PPP6R3: variants seen among roughly 807,000 people sequenced by gnomAD.
PPP6R3 encodes protein phosphatase 6 regulatory subunit 3.
In PPP6R3, 38 loss-of-function variants were observed where a neutral mutation model predicts 110.7. The ratio of observed to expected loss-of-function variants is 0.34; its 90% CI spans 0.26 to 0.45. PPP6R3 has a LOEUF of 0.45. Ranked by LOEUF, PPP6R3 falls within the 20% of genes least tolerant of loss-of-function variation. The probability of loss-of-function intolerance (pLI) is 1.00; values close to 1 mark genes in which losing one functional copy is unlikely to be tolerated. For synonymous variants in PPP6R3, 369 were observed against 373.5 expected, an observed-to-expected ratio of 0.99 and a Z score of 0.14; for missense variants, 870 against 1,062.4, an observed-to-expected ratio of 0.82 and a Z score of 2.52.
In PPP6R3 at chr11:68,600,400, G is replaced by T. The variant is rs746395959; in HGVS notation, c.2098G>T (p.Asp700Tyr). Reference protein sequence around the residue: ...PMETTHGAPLDSVGSDVWSTE... With the variant: ...PMETTHGAPLYSVGSDVWSTE... ...GGAAACAACCCACGGTGCTCCATTG[G>T]ATTCTGTGGGATCTGATGTCTGGAG... Residue 700 changes from aspartate to tyrosine, a missense_variant, in exon 20 of 24, where the codon GAT becomes TAT. Asp to Tyr is a radical substitution (Grantham distance 160). Coordinates refer to ENST00000393800, the MANE Select transcript of PPP6R3 (RefSeq NM_001164161.2). 7 of 1,613,984 alleles carry T rather than the reference G, an allele frequency of 4.3e-6. No individual in the cohort carries two copies. Among genetic ancestry groups the T allele is most frequent in the African/African-American group, 1.3e-5 (1 of 74,888 alleles).
intron 1 of PPP6R3, among the ~76,000 whole-genome samples, chr11:68,495,903 G>A (rs922689824): frequency 5.3e-5 from 8 of 152,294 alleles, no homozygotes; most frequent in African/African-American, 1.9e-4. Context: ...TTGAGAAACT[G>A]TGAGACTATT....
intron 15 of PPP6R3, chr11:68,587,526 G>C (rs2099582607): frequency 4.6e-6 from 1 of 216,062 alleles, no homozygotes; most frequent in African/African-American, 2.3e-5. Context: ...AAGGAGGGAG[G>C]GGGTGGTCAC....
intron 12 of PPP6R3, among the ~76,000 whole-genome samples, chr11:68,573,043 T>G (rs2099513821): frequency 6.9e-6 from 1 of 145,410 alleles, no homozygotes; most frequent in African/African-American, 2.5e-5. Flanking sequence ...AAATCTTTCG[T>G]TTGATAGAGC....
At chr11:68,582,714 GTCTT>G (rs1024012717) in intron 14 of PPP6R3, among the ~76,000 whole-genome samples, 2 of 152,232 alleles carry the variant, frequency 1.3e-5, no homozygotes, top group African/African-American at 4.8e-5. Flanking sequence ...CATTACCTCT[GTCTT>G]TCTTTTTGTA....
chr11:68,580,619 T>C (rs2099549774), intron 14 of PPP6R3, among the ~76,000 whole-genome samples: 1 of 152,022 alleles, frequency 6.6e-6, no homozygotes, highest in Admixed American at 6.6e-5. Flanking sequence ...AAGGTGGCAG[T>C]GACTGAGCTG....
At chr11:68,595,265 G>T (rs1437210459) in intron 18 of PPP6R3, among the ~76,000 whole-genome samples, 1 of 135,044 alleles carries the variant, frequency 7.4e-6, no homozygotes, top group Non-Finnish European at 1.5e-5. Context: ...GTCCAGGCTG[G>T]AGTGCAGTGG....
intron 5 of PPP6R3, 180 bp from the exon 6 acceptor site, chr11:68,550,941 A>G: frequency 1.8e-6 from 1 of 545,324 alleles, no homozygotes; most frequent in Non-Finnish European, 3.2e-6. Context: ...CATTGTTAAA[A>G]CAATATATTC....
At position 68,547,491 on chromosome 11, in the gene PPP6R3, C is replaced by T. The variant is rs181538744; in HGVS notation, c.415-576C>T. Among the ~76,000 whole-genome samples the T allele has an allele frequency of 1.4e-3, 214 of 152,306 alleles. 1 individual carries two copies. Among genetic ancestry groups the T allele is most frequent in the African/African-American group, 4.8e-3 (200 of 41,568 alleles). On this transcript the variant is annotated intron_variant, in intron 4 of 23. Coordinates refer to ENST00000393800, the MANE Select transcript of PPP6R3 (RefSeq NM_001164161.2). ...TTCCGTGGCCATTCTCACGTTCCTTCAGGGTAGCTCTCTGCCTCTCCACCA... is the reference window on the plus strand; with the variant it reads ...TTCCGTGGCCATTCTCACGTTCCTTTAGGGTAGCTCTCTGCCTCTCCACCA...
At chr11:68,569,362 A>G (rs2099493450) in intron 10 of PPP6R3, among the ~76,000 whole-genome samples, 1 of 152,172 alleles carries the variant, frequency 6.6e-6, no homozygotes, top group Non-Finnish European at 1.5e-5. Context: ...TATATATACT[A>G]TGTGTTTTTC....
intron 16 of PPP6R3, 94 bp from the exon 17 acceptor site, chr11:68,590,566 G>T: frequency 7.6e-7 from 1 of 1,315,196 alleles, no homozygotes; most frequent in Non-Finnish European, 1.0e-6. Context: ...TGATGATAGT[G>T]TAAATATCTT....
intron 16 of PPP6R3, among the ~76,000 whole-genome samples, chr11:68,589,187 C>T (rs553832540): frequency 6.6e-6 from 1 of 151,958 alleles, no homozygotes; most frequent in Non-Finnish European, 1.5e-5. Flanking sequence ...CCACCCTGGG[C>T]AACACAGGGA....
intron 1 of PPP6R3, among the ~76,000 whole-genome samples, chr11:68,482,454 C>A (rs1172499118): frequency 1.3e-5 from 2 of 150,286 alleles, no homozygotes; most frequent in Non-Finnish European, 1.5e-5. Flanking sequence ...TAGAAAATGA[C>A]TTTGGGTAAT....
intron 20 of PPP6R3, among the ~76,000 whole-genome samples, chr11:68,601,114 T>C (rs2099630481): frequency 6.6e-6 from 1 of 152,240 alleles, no homozygotes; most frequent in Non-Finnish European, 1.5e-5. Context: ...AAGTTACTAC[T>C]CAGAGGTACA....
chr11:68,519,380 T>C lies in PPP6R3; in HGVS notation c.-157-121T>C, dbSNP rs2099152728. On this transcript the variant is annotated intron_variant, in intron 1 of 23. Coordinates refer to ENST00000393800, the MANE Select transcript of PPP6R3 (RefSeq NM_001164161.2). The stretch of plus-strand genomic sequence containing the variant: ...AATTTTAGTGATTAACTAGAACTTT[T>C]TAATTCCCTGTGGTATAGTTCTGTG... The C allele has an allele frequency of 1.0e-5, 4 of 382,766 alleles. No homozygotes were observed. The East Asian group carries it at 1.5e-4, about 14-fold the overall frequency. 23.7% of individuals were successfully genotyped at this position (382,766 alleles called of 1,614,324 possible). A position where few individuals can be genotyped will look rare whatever the true frequency, so the allele number is the denominator to read the frequency against.
At chr11:68,609,704 G>T in intron 22 of PPP6R3, 200 bp from the exon 23 acceptor site, 2 of 1,575,838 alleles carry the variant, frequency 1.3e-6, no homozygotes, top group African/African-American at 1.3e-5. Context: ...GTTCCCACCT[G>T]TGTGCGACCC....
chr11:68,601,495 A>G (rs2099631707), intron 20 of PPP6R3, among the ~76,000 whole-genome samples: 1 of 152,248 alleles, frequency 6.6e-6, no homozygotes, highest in South Asian at 2.1e-4. Flanking sequence ...TTGTAAAACC[A>G]GTCAACCTGA....
At chr11:68,577,228 T>G (rs191775103) in intron 14 of PPP6R3, among the ~76,000 whole-genome samples, 9 of 152,352 alleles carry the variant, frequency 5.9e-5, no homozygotes, top group East Asian at 1.9e-4. Context: ...TTAAGTCATT[T>G]TTAATGAATA....
chr11:68,596,051 G>A, intron 18 of PPP6R3, 46 bp from the exon 19 acceptor site: 3 of 1,609,778 alleles, frequency 1.9e-6, no homozygotes, highest in Non-Finnish European at 2.5e-6. Context: ...GATTTAGCTG[G>A]TGGCTGATAA....
At chr11:68,589,468 T>G (rs941837502) in intron 16 of PPP6R3, among the ~76,000 whole-genome samples, 1 of 152,114 alleles carries the variant, frequency 6.6e-6, no homozygotes, top group Non-Finnish European at 1.5e-5. Flanking sequence ...GTAGAAAATG[T>G]GTAGGTAGTT....
Sources: allele counts gnomAD v4.1 joint callset (sites outside exome capture counted in the v4.1 genomes callset), GRCh38; gene constraint gnomAD v4.1.1; transcripts MANE v1.5; gene names NCBI Gene and HGNC (gene_info 2026-07-23, HGNC 2026-07-21).